The following KMT2A variants were observed in gnomAD, a reference collection of about 807,000 sequenced individuals.
KMT2A encodes the protein histone-lysine N-methyltransferase 2A.
KMT2A carries 16 observed loss-of-function variants against 345.3 expected under a neutral mutation model. The ratio of observed to expected loss-of-function variants is 0.05; its 90% CI spans 0.03 to 0.07. KMT2A has a LOEUF of 0.07. KMT2A is among the 10% of genes least tolerant of loss of function. The pLI is 1.00. For synonymous variants in KMT2A, 1,599 were observed against 1,778.6 expected, an observed-to-expected ratio of 0.90 and a Z score of 2.54; for missense variants, 3,272 against 4,841.6, an observed-to-expected ratio of 0.68 and a Z score of 9.62.
chr11:118,514,215 C>A (rs1555050923), intron 31 of KMT2A, among the ~76,000 whole-genome samples: 1 of 152,072 alleles, frequency 6.6e-6, no homozygotes, highest in African/African-American at 2.4e-5. Flanking sequence ...TATTTACTGA[C>A]CACTTGTAAA....
intron 10 of KMT2A, chr11:118,488,371 A>T (rs541173759): frequency 6.1e-5 from 31 of 511,388 alleles, no homozygotes; most frequent in South Asian, 5.9e-4. Flanking sequence ...TGTTCTGTTA[A>T]ATCTTGTATT....
intron 31 of KMT2A, among the ~76,000 whole-genome samples, chr11:118,518,386 C>A (rs952993825): frequency 4.6e-5 from 7 of 152,128 alleles, no homozygotes; most frequent in African/African-American, 1.7e-4. Context: ...CAGCATGAGA[C>A]GGTGAGTAGA....
chr11:118,458,301 C>T, intron 1 of KMT2A: 1 of 209,808 alleles, frequency 4.8e-6, no homozygotes. Context: ...TAGAACTAGG[C>T]TGGTCTACAA....
chr11:118,519,389 G>T, intron 31 of KMT2A: 1 of 464,170 alleles, frequency 2.2e-6, no homozygotes. Flanking sequence ...CCATAGTTTG[G>T]TGGCATGCTT....
At chr11:118,458,379 G>T (rs538804060) in intron 1 of KMT2A, among the ~76,000 whole-genome samples, 1 of 152,106 alleles carries the variant, frequency 6.6e-6, no homozygotes, top group Non-Finnish European at 1.5e-5. Flanking sequence ...GAGCCACCTC[G>T]TCCTGCCCCT....
chr11:118,514,585 C>T (rs1375474679), intron 31 of KMT2A, among the ~76,000 whole-genome samples: 3 of 151,308 alleles, frequency 2.0e-5, no homozygotes, highest in African/African-American at 4.8e-5. Flanking sequence ...GGACTACAGG[C>T]GCATGCTACC....
At chr11:118,464,843 T>C (rs1949813298) in intron 1 of KMT2A, among the ~76,000 whole-genome samples, 1 of 152,212 alleles carries the variant, frequency 6.6e-6, no homozygotes, top group Non-Finnish European at 1.5e-5. Flanking sequence ...TTGGGGATGC[T>C]CAAGGCATTT....
chr11:118,437,089 A>AC, intron 1 of KMT2A, 145 bp downstream of exon 1: 2 of 989,170 alleles, frequency 2.0e-6, no homozygotes, highest in African/African-American at 1.8e-5. Flanking sequence ...CCATCTTGGG[A>AC]CCCCCATGCA....
In KMT2A at chr11:118,507,559, T is replaced by C. The variant is rs141735508; in HGVS notation, c.10785T>C (p.Asp3595=). 7.4e-6 allele frequency: 12 copies of C among 1,614,116 alleles called. No individual in the cohort carries two copies. In the African/African-American group the frequency reaches 1.3e-4, roughly 18 times the overall value. Residue 3595 remains aspartate (D), a synonymous_variant, in exon 28 of 36, where the codon GAT becomes GAC. Transcript: ENST00000534358. ...CAGGAGCAGAGGCTGAGCAGCAGGATACAGCTAGCGTGGAGCAGTCCTCCC... is the reference window on the plus strand; with the variant it reads ...CAGGAGCAGAGGCTGAGCAGCAGGACACAGCTAGCGTGGAGCAGTCCTCCC... ...GTPGAEAEQQ[D]TASVEQSSQK...
Position 118,505,814 on chromosome 11 carries a change from A to G in KMT2A, c.9922A>G (p.Ser3308Gly). The change falls in exon 27 of 36, where the codon AGT (serine) becomes GGT (glycine). Residue 3308 changes from serine (S) to glycine (G), a missense_variant. By Grantham distance (56) the Ser-to-Gly change is moderately conservative. Around this residue, in one of 27 missense-constraint regions of KMT2A, gnomAD observed 748 missense variants for 922.2 expected, o/e 0.81. Coordinates refer to ENST00000534358, the MANE Select transcript of KMT2A (RefSeq NM_001197104.2). The surrounding 1 kb of genome is among the most constrained non-coding windows in gnomAD (Gnocchi z 4.6). ...TGAACCGGCACCCCTGTTACCACAG[A>G]GTGTGGGAGGAACTGCTGCCACAGC... ...YFEPAPLLPQSVGGTAATAAG... is the reference protein window; with the variant it reads ...YFEPAPLLPQGVGGTAATAAG... 6.2e-7 allele frequency: 1 copy of G among 1,614,180 alleles called. No homozygotes were observed. Among genetic ancestry groups the G allele is most frequent in the Non-Finnish European group, 8.5e-7 (1 of 1,180,010 alleles).
chr11:118,479,889 T>C lies in KMT2A; in HGVS notation c.3570-285T>C, dbSNP rs1029188709. On this transcript the variant is annotated intron_variant, in intron 5 of 35. Coordinates refer to ENST00000534358, the MANE Select transcript of KMT2A (RefSeq NM_001197104.2). ...TGCGACTACAAGAAATACTGACTGA[T>C]CATTTTCTGTGTGGTGCTAGTCAGT... is the stretch of plus-strand genomic sequence containing the variant. Among the ~76,000 whole-genome samples, 13 of 152,196 alleles carry C rather than the reference T, an allele frequency of 8.5e-5. No homozygotes were observed. In the East Asian group the frequency reaches 2.3e-3, roughly 27 times the overall value.
chr11:118,507,595 T>G lies in KMT2A; in HGVS notation c.10821T>G (p.Cys3607Trp). The G allele has an allele frequency of 6.2e-7, 1 of 1,613,710 alleles. No homozygotes were observed. Among genetic ancestry groups the G allele is most frequent in the Non-Finnish European group, 8.5e-7 (1 of 1,179,614 alleles). ...TGGAGCAGTCCTCCCAGAAGGAGTG[T>G]GGGCAACCTGCAGGGTAAGCTGAAG... ...ASVEQSSQKE[C>W]GQPAGQVAVL... Residue 3607 changes from cysteine (C) to tryptophan (W), a missense_variant, in exon 28 of 36, where the codon TGT becomes TGG. Physicochemically the swap from Cys to Trp is radical, Grantham distance 215. This residue lies in a region of KMT2A where 748 missense variants were observed against 922.2 expected (regional missense o/e 0.81). Transcript: ENST00000534358.
At chr11:118,482,196 CTTCAG>C (rs1950145653) in intron 7 of KMT2A, 104 bp downstream of exon 7, 1 of 1,308,678 alleles carries the variant, frequency 7.6e-7, no homozygotes, top group Admixed American at 2.8e-5. Flanking sequence ...GATTTGAAGT[CTTCAG>C]TTCAAGAAAA....
At chr11:118,467,713 T>C (rs1555034460) in intron 1 of KMT2A, among the ~76,000 whole-genome samples, 1 of 152,240 alleles carries the variant, frequency 6.6e-6, no homozygotes, top group Non-Finnish European at 1.5e-5. Context: ...AGAAAATCAT[T>C]GATGTTGTCC....
At position 118,476,662 on chromosome 11, in the gene KMT2A, A is replaced by C. The variant is rs1398047054; in HGVS notation, c.3157-143A>C. On this transcript the variant is annotated intron_variant, in intron 3 of 35. Coordinates refer to ENST00000534358, the MANE Select transcript of KMT2A (RefSeq NM_001197104.2). This position sits in a 1 kb window ranked among gnomAD's most constrained non-coding sequence, Gnocchi z 4.1. ...ACAGTAATAGTTGATTTCTGTTTTG[A>C]TATGATTTATCAGCTGGGAATAATT... The C allele has an allele frequency of 7.9e-5, 54 of 685,312 alleles. No homozygotes were observed. The highest frequency in any genetic ancestry group is 1.6e-4 in the African/African-American group (9 of 54,972). 42.5% of individuals were successfully genotyped at this position (685,312 alleles called of 1,614,324 possible).
Position 118,504,423 on chromosome 11 carries a change from G to T in KMT2A, c.8531G>T (p.Cys2844Phe). ...SDSDNNNSDD[C>F]GNILPSDIMD... ...TCAGACAATAACAACAGTGATGACTGTGGGAATATCCTGCCTTCAGACATT... is the reference window on the plus strand; with the variant it reads ...TCAGACAATAACAACAGTGATGACTTTGGGAATATCCTGCCTTCAGACATT... The change falls in exon 27 of 36, where the codon TGT becomes TTT. Residue 2844 changes from cysteine (C) to phenylalanine (F), a missense_variant. By Grantham distance (205) the Cys-to-Phe change is radical. This residue lies in a region of KMT2A where 9 missense variants were observed against 20.3 expected (regional missense o/e 0.44). Coordinates refer to ENST00000534358, the MANE Select transcript of KMT2A (RefSeq NM_001197104.2). The surrounding 1 kb of genome is among the most constrained non-coding windows in gnomAD (Gnocchi z 6.4). 6.2e-7 allele frequency: 1 copy of T among 1,614,138 alleles called. No homozygotes were observed. Among genetic ancestry groups the T allele is most frequent in the Non-Finnish European group, 8.5e-7 (1 of 1,179,998 alleles).
chr11:118,507,767 C>T (rs1950611850), intron 28 of KMT2A, 158 bp downstream of exon 28: 1 of 596,264 alleles, frequency 1.7e-6, no homozygotes, highest in South Asian at 1.9e-5. Context: ...CGAGACCATC[C>T]TGGCTAACAT....
Position 118,501,686 on chromosome 11 carries a change from G to A in KMT2A, c.6334G>A (p.Glu2112Lys), listed in dbSNP as rs1159627831. The change falls in exon 26 of 36, where the codon GAG becomes AAG. Residue 2112 changes from glutamate (E) to lysine (K), a missense_variant. Coordinates refer to ENST00000534358, the MANE Select transcript of KMT2A (RefSeq NM_001197104.2). The stretch of plus-strand genomic sequence containing the variant: ...TCCTGCCACAGAAAGTTCATCAAAA[G>A]AGAGTCAAAACACAGCTGAAATTAT... ...PTSFTESSSK[E>K]SQNTAEIISP... 1 of 1,610,374 alleles carries A rather than the reference G, an allele frequency of 6.2e-7. No individual in the cohort carries two copies. The highest frequency in any genetic ancestry group is 1.3e-5 in the African/African-American group (1 of 74,716).
At chr11:118,492,146 T>C (rs530268183) in intron 15 of KMT2A, among the ~76,000 whole-genome samples, 2 of 152,260 alleles carry the variant, frequency 1.3e-5, no homozygotes, top group African/African-American at 4.8e-5. Context: ...AATGAGAAAT[T>C]TGGACTTTAT....
Sources: gnomAD v4.1 joint callset for allele counts (sites outside exome capture counted in the v4.1 genomes callset) on GRCh38, gnomAD v4.1.1 for gene constraint, gnomAD v4.1.1 regional missense constraint, Gnocchi (gnomAD v3.1) non-coding constraint, MANE v1.5 for transcripts, NCBI Gene and HGNC (gene_info 2026-07-23, HGNC 2026-07-21) for gene names.